Variants in OAS2 observed in about 807,000 individuals in gnomAD.
OAS2 encodes 2'-5'-oligoadenylate synthase 2.
A neutral mutation model predicts 71.3 loss-of-function variants in OAS2; 67 were observed. That is an observed-to-expected ratio of 0.94 (90% CI 0.77 to 1.15). The LOEUF is 1.15. Ranked by LOEUF, OAS2 falls within the 50% of genes most tolerant of loss-of-function variation. The pLI is 0.00. For missense variants in OAS2, 789 were observed against 822.5 expected (o/e 0.96, Z 0.50); for synonymous variants, 327 against 321.8 (o/e 1.02, Z -0.17).
intron 2 of OAS2, among the ~76,000 whole-genome samples, chr12:112,989,976 C>T (rs921905338): frequency 2.6e-5 from 4 of 152,188 alleles, no homozygotes; most frequent in Non-Finnish European, 5.9e-5. Flanking sequence ...TGCTACTTCC[C>T]TAGTCAACGT....
At chr12:112,986,972 T>C (rs2044142995) in intron 1 of OAS2, 66 bp from the exon 2 acceptor site, 2 of 1,531,120 alleles carry the variant, frequency 1.3e-6, no homozygotes, top group African/African-American at 2.8e-5. Flanking sequence ...GAAATACCAC[T>C]GCCTGCTAGA....
chr12:113,000,945 C>T (rs2044282252), intron 5 of OAS2, among the ~76,000 whole-genome samples: 1 of 152,174 alleles, frequency 6.6e-6, no homozygotes, highest in Admixed American at 6.5e-5. Context: ...TGAGCTAGCC[C>T]ATCTTGTCTG....
chr12:112,981,026 T>C (rs1333431219), intron 1 of OAS2, among the ~76,000 whole-genome samples: 2 of 152,188 alleles, frequency 1.3e-5, no homozygotes, highest in African/African-American at 2.4e-5. Flanking sequence ...TTTTGAGAAA[T>C]GTCTATTTAG....
At chr12:112,984,390 T>G (rs1287513950) in intron 1 of OAS2, among the ~76,000 whole-genome samples, 1 of 152,248 alleles carries the variant, frequency 6.6e-6, no homozygotes, top group Non-Finnish European at 1.5e-5. Flanking sequence ...TAGCTACTCC[T>G]GCACACTTTT....
chr12:113,007,583 A>G (rs2044345342), intron 8 of OAS2, 122 bp from the exon 9 acceptor site: 6 of 774,148 alleles, frequency 7.8e-6, no homozygotes, highest in Non-Finnish European at 1.3e-5. Context: ...TAGACATCCA[A>G]GCTGCAGAGT....
chr12:112,986,845 T>A (rs762256223), intron 1 of OAS2, among the ~76,000 whole-genome samples, 193 bp from the exon 2 acceptor site: 2 of 152,204 alleles, frequency 1.3e-5, no homozygotes, highest in African/African-American at 2.4e-5. Flanking sequence ...TTGAGTCACC[T>A]CCAGGTTGGG....
chr12:113,004,882 G>A (rs370344182), intron 6 of OAS2, 52 bp from the exon 7 acceptor site: 29 of 1,589,862 alleles, frequency 1.8e-5, no homozygotes, highest in African/African-American at 9.4e-5. Context: ...ACGGGGGCAC[G>A]GGACTCCTCG....
At chr12:113,003,979 T>G (rs1379906715) in intron 6 of OAS2, among the ~76,000 whole-genome samples, 1 of 152,204 alleles carries the variant, frequency 6.6e-6, no homozygotes, top group Non-Finnish European at 1.5e-5. Context: ...AGCATGTGCT[T>G]TCTCCTCTCC....
Position 112,993,325 on chromosome 12 carries a change from C to G in OAS2, c.449-1971C>G, listed in dbSNP as rs931468902. Among the ~76,000 whole-genome samples the G allele has an allele frequency of 2.0e-5, 3 of 152,146 alleles. No individual in the cohort carries two copies. The East Asian group carries it at 5.8e-4, about 29-fold the overall frequency. Reference sequence around the variant, plus strand: ...TTGACTGGCTGGTATTTCCATTATCCTCATCTGTAAATTAGTAATTGCAAT... The same window carrying G: ...TTGACTGGCTGGTATTTCCATTATCGTCATCTGTAAATTAGTAATTGCAAT... On this transcript the variant is annotated intron_variant, in intron 2 of 9. Coordinates refer to ENST00000392583, the MANE Select transcript of OAS2 (RefSeq NM_002535.3).
chr12:112,978,625 C>T lies in OAS2; in HGVS notation c.17C>T (p.Ser6Phe), dbSNP rs777191278. Reference sequence around the variant, plus strand: ...CTGAGAGCAATGGGAAATGGGGAGTCCCAGCTGTCCTCGGTGCCTGCTCAG... The same window carrying T: ...CTGAGAGCAATGGGAAATGGGGAGTTCCAGCTGTCCTCGGTGCCTGCTCAG... MGNGE[S>F]QLSSVPAQKL... The change falls in exon 1 of 10, where the codon TCC becomes TTC. Residue 6 changes from serine (S) to phenylalanine (F), a missense_variant. By Grantham distance (155) the Ser-to-Phe change is radical. Transcript: ENST00000392583. The surrounding 1 kb of genome is among the most constrained non-coding windows in gnomAD (Gnocchi z 4.2). The T allele has an allele frequency of 4.7e-5, 76 of 1,613,938 alleles. No homozygotes were observed. The highest frequency in any genetic ancestry group is 6.4e-5 in the Non-Finnish European group (75 of 1,179,970).
chr12:112,984,131 C>T (rs1392467019), intron 1 of OAS2, among the ~76,000 whole-genome samples: 1 of 152,192 alleles, frequency 6.6e-6, no homozygotes, highest in Admixed American at 6.5e-5. Context: ...AAGTTCCCAG[C>T]TATTACTGTA....
chr12:112,996,710 C>T (rs1303349671), intron 3 of OAS2, among the ~76,000 whole-genome samples: 1 of 152,040 alleles, frequency 6.6e-6, no homozygotes, highest in Non-Finnish European at 1.5e-5. Context: ...CATAAATCAA[C>T]ACATGGAGGC....
Position 113,003,090 on chromosome 12 carries a change from C to T in OAS2, c.1167C>T (p.Ile389=), listed in dbSNP as rs755280606. 7 of 1,613,990 alleles carry T rather than the reference C, an allele frequency of 4.3e-6. No homozygotes were observed. The highest frequency in any genetic ancestry group is 5.9e-6 in the Non-Finnish European group (7 of 1,179,986). ...GCTTCCGACAATCAACAGCCAAGATCCAGATTGTCCGGGTGAGCACTGGCC... is the reference window on the plus strand; with the variant it reads ...GCTTCCGACAATCAACAGCCAAGATTCAGATTGTCCGGGTGAGCACTGGCC... ...ENCFRQSTAK[I]QIVRGGSTAK... The change falls in exon 6 of 10, where the codon ATC becomes ATT. Residue 389 remains isoleucine (I), a synonymous_variant. Coordinates refer to ENST00000392583, the MANE Select transcript of OAS2 (RefSeq NM_002535.3).
chr12:112,995,835 G>A (rs1287503037), intron 3 of OAS2, among the ~76,000 whole-genome samples: 1 of 152,116 alleles, frequency 6.6e-6, no homozygotes, highest in Non-Finnish European at 1.5e-5. Context: ...GCAGGGTCTT[G>A]CTCTGCTGCC....
rs1350487995 is a variant in OAS2 at position 113,006,607 on chromosome 12, A to G, written c.1656+7A>G. The G allele has an allele frequency of 1.2e-5, 19 of 1,590,678 alleles. No homozygotes were observed. The highest frequency in any genetic ancestry group is 1.6e-5 in the Non-Finnish European group (19 of 1,162,718). The stretch of plus-strand genomic sequence containing the variant: ...GAAGCACTGGTACAAAGAGGTAAGG[A>G]CAGTCTTTGTTCTGACCATGGGGTT... On this transcript the variant is annotated splice_region_variant and intron_variant, in intron 8 of 9. Transcript: ENST00000392583.
chr12:112,995,563 A>G, intron 3 of OAS2, 89 bp downstream of exon 3: 1 of 1,224,500 alleles, frequency 8.2e-7, no homozygotes, highest in Non-Finnish European at 1.2e-6. Flanking sequence ...AATCTTAGGT[A>G]TACAGCTCAA....
At chr12:112,993,824 G>A (rs2044212018) in intron 2 of OAS2, among the ~76,000 whole-genome samples, 1 of 152,146 alleles carries the variant, frequency 6.6e-6, no homozygotes, top group South Asian at 2.1e-4. Flanking sequence ...AGTGAGCTAT[G>A]ATTGTGCCAT....
chr12:112,980,051 T>C (rs1214982002), intron 1 of OAS2, among the ~76,000 whole-genome samples: 10 of 152,206 alleles, frequency 6.6e-5, no homozygotes, highest in Non-Finnish European at 4.4e-5. Context: ...GGGGTACAGT[T>C]GTTTATCTTT....
At chr12:112,987,716 T>C (rs2136379870) in intron 2 of OAS2, 1 of 1,038,970 alleles carries the variant, frequency 9.6e-7, no homozygotes, top group South Asian at 4.5e-5. Flanking sequence ...AGAGTCAGTG[T>C]TGGTTAGAGT....
Sources: gnomAD v4.1 joint callset for allele counts (sites outside exome capture counted in the v4.1 genomes callset) on GRCh38, gnomAD v4.1.1 for gene constraint, Gnocchi (gnomAD v3.1) non-coding constraint, MANE v1.5 for transcripts, NCBI Gene and HGNC (gene_info 2026-07-23, HGNC 2026-07-21) for gene names.